The following CEP152 variants were observed in gnomAD, a reference collection of about 807,000 sequenced individuals.
CEP152 encodes centrosomal protein of 152 kDa.
A neutral mutation model predicts 188.9 loss-of-function variants in CEP152; 132 were observed. The ratio of observed to expected loss-of-function variants is 0.70; its 90% CI spans 0.61 to 0.81. CEP152 has a LOEUF of 0.81. CEP152 is among the 30% of genes least tolerant of loss of function. The pLI, the probability that CEP152 is intolerant of heterozygous loss-of-function variation, is 0.00. For missense variants in CEP152, 1,914 were observed against 1,969.8 expected (o/e 0.97, Z 0.54); for synonymous variants, 649 against 666.6 (o/e 0.97, Z 0.41).
chr15:48,793,717 A>G (rs997292437), intron 6 of CEP152, among the ~76,000 whole-genome samples: 1 of 152,236 alleles, frequency 6.6e-6, no homozygotes, highest in Non-Finnish European at 1.5e-5. Flanking sequence ...ACACCATATC[A>G]CAATGTAAAA....
In CEP152 at chr15:48,738,913, A is replaced by G. The variant is rs758255290; in HGVS notation, c.4469T>C (p.Leu1490Pro). The G allele has an allele frequency of 2.4e-5, 38 of 1,614,100 alleles. No individual in the cohort carries two copies. Among genetic ancestry groups the G allele is most frequent in the Non-Finnish European group, 3.1e-5 (37 of 1,180,018 alleles). Residue 1490 changes from leucine (L) to proline (P), a missense_variant, in exon 27 of 27, where the codon CTT becomes CCT. Coordinates refer to ENST00000380950, the MANE Select transcript of CEP152 (RefSeq NM_001194998.2). ...AAAGGGGTATGCAGCTGAATGCGGA[A>G]GTGATTCAGAACCATTATCACTGAG... is the stretch of plus-strand genomic sequence containing the variant. ...DLLSDNGSES[L>P]PHSAAYPFLG... is the part of the protein sequence containing the mutation.
At chr15:48,800,065 G>A (rs1326170239) in intron 2 of CEP152, among the ~76,000 whole-genome samples, 1 of 151,900 alleles carries the variant, frequency 6.6e-6, no homozygotes, top group Non-Finnish European at 1.5e-5. Context: ...TGTTTTCCCC[G>A]CACAAAAACA....
chr15:48,789,177 AC>A lies in CEP152; in HGVS notation c.973-177del. The A allele has an allele frequency of 1.2e-5, 8 of 643,150 alleles. 1 individual carries two copies. The South Asian group carries it at 1.5e-4, about 12-fold the overall frequency. The allele number at this position is 643,150 out of a possible 1,614,324, so 39.8% of individuals were successfully genotyped here. ...GCTCCTTAAAACAACCCTAGCTGGG[AC>A]CCTCCAGGCCCATAGTTGTTGGAAA... On this transcript the variant is annotated intron_variant, in intron 8 of 26. Coordinates refer to ENST00000380950, the MANE Select transcript of CEP152 (RefSeq NM_001194998.2).
At chr15:48,797,031 T>C (rs1467660465) in intron 5 of CEP152, among the ~76,000 whole-genome samples, 2 of 152,248 alleles carry the variant, frequency 1.3e-5, no homozygotes, top group Non-Finnish European at 2.9e-5. Context: ...AGGATAGTTA[T>C]TCTTTGGCAG....
chr15:48,763,156 T>C (rs1294904428), intron 17 of CEP152, among the ~76,000 whole-genome samples: 4 of 152,264 alleles, frequency 2.6e-5, no homozygotes, highest in Non-Finnish European at 5.9e-5. Flanking sequence ...TTTTACTAAG[T>C]AGACTACATT....
At chr15:48,783,698 T>C (rs763735905) in intron 10 of CEP152, among the ~76,000 whole-genome samples, 12 of 150,790 alleles carry the variant, frequency 8.0e-5, no homozygotes, top group Non-Finnish European at 1.5e-4. Context: ...TTTGGTACTT[T>C]ATACTGGTCT....
Position 48,782,140 on chromosome 15 carries a change from T to G in CEP152, c.1412A>C (p.Gln471Pro). 1 of 1,613,644 alleles carries G rather than the reference T, an allele frequency of 6.2e-7. No homozygotes were observed. Among genetic ancestry groups the G allele is most frequent in the Non-Finnish European group, 8.5e-7 (1 of 1,179,656 alleles). ...CCTCTTCCAAGTGGCAACACTCACTTGCAAAGCCTTGTTCATGTTTGCACT... is the reference window on the plus strand; with the variant it reads ...CCTCTTCCAAGTGGCAACACTCACTGGCAAAGCCTTGTTCATGTTTGCACT... ...AMSANMNKALQEELTELKDEI... is the reference protein window; with the variant it reads ...AMSANMNKALPEELTELKDEI... The change falls in exon 11 of 27, where the codon CAA (glutamine) becomes CCA (proline). Residue 471 changes from glutamine to proline, a missense_variant and splice_region_variant. Physicochemically the swap from Gln to Pro is moderately conservative, Grantham distance 76 (BLOSUM62 -1). Transcript: ENST00000380950.
chr15:48,788,624 C>T (rs1474061709), intron 9 of CEP152, among the ~76,000 whole-genome samples, 177 bp downstream of exon 9: 1 of 151,914 alleles, frequency 6.6e-6, no homozygotes, highest in African/African-American at 2.4e-5. Flanking sequence ...GGATTACAGG[C>T]GTGAGCCATT....
At chr15:48,796,301 C>T in intron 5 of CEP152, 141 bp from the exon 6 acceptor site, 7 of 670,018 alleles carry the variant, frequency 1.0e-5, no homozygotes, top group South Asian at 6.7e-5. Flanking sequence ...CACACACACA[C>T]ACACACACAC....
intron 9 of CEP152, among the ~76,000 whole-genome samples, chr15:48,787,172 T>TTTTTTTTG (rs1896709594): frequency 7.0e-6 from 1 of 142,424 alleles, no homozygotes; most frequent in Non-Finnish European, 1.5e-5. Flanking sequence ...CGTTTTTTTT[T>TTTTTTTTG]TTTTTTTTTT....
intron 2 of CEP152, among the ~76,000 whole-genome samples, chr15:48,803,674 TC>T (rs1231422139): frequency 6.6e-6 from 1 of 152,188 alleles, no homozygotes; most frequent in Non-Finnish European, 1.5e-5. Context: ...ATACAATCTA[TC>T]AAAGAGGTGA....
Position 48,738,790 on chromosome 15 carries a change from A to T in CEP152, c.4592T>A (p.Leu1531His). The change falls in exon 27 of 27, where the codon CTT becomes CAT. Residue 1531 changes from leucine to histidine, a missense_variant. Transcript: ENST00000380950. ...HITFRDSNER[L>H]GLKVYKCNPL... Reference sequence around the variant, plus strand: ...ATTGCATTTATATACTTTTAAACCAAGTCTTTCATTAGAATCGCGAAAGGT... The same window carrying T: ...ATTGCATTTATATACTTTTAAACCATGTCTTTCATTAGAATCGCGAAAGGT... The T allele has an allele frequency of 6.2e-7, 1 of 1,614,176 alleles. No homozygotes were observed. Among genetic ancestry groups the T allele is most frequent in the Admixed American group, 1.7e-5 (1 of 60,024 alleles).
At chr15:48,764,586 T>C (rs1404255452) in intron 17 of CEP152, among the ~76,000 whole-genome samples, 5 of 152,202 alleles carry the variant, frequency 3.3e-5, no homozygotes, top group African/African-American at 1.2e-4. Flanking sequence ...AATGGGAATG[T>C]TGACCATCTT....
At chr15:48,804,402 C>T (rs1189801851) in intron 2 of CEP152, among the ~76,000 whole-genome samples, 4 of 152,228 alleles carry the variant, frequency 2.6e-5, no homozygotes, top group Non-Finnish European at 5.9e-5. Flanking sequence ...GACCCTATTC[C>T]TTGCTTCCTG....
At chr15:48,784,729 C>T (rs924023498) in intron 9 of CEP152, among the ~76,000 whole-genome samples, 1 of 151,972 alleles carries the variant, frequency 6.6e-6, no homozygotes, top group African/African-American at 2.4e-5. Flanking sequence ...TTCTGCAGTG[C>T]CTTAGACATA....
Position 48,782,137 on chromosome 15 carries a change from A to G in CEP152, c.1413+2T>C. 1 of 1,613,426 alleles carries G rather than the reference A, an allele frequency of 6.2e-7. No homozygotes were observed. The highest frequency in any genetic ancestry group is 8.5e-7 in the Non-Finnish European group (1 of 1,179,518). On this transcript the variant is annotated splice_donor_variant, in intron 11 of 26. Coordinates refer to ENST00000380950, the MANE Select transcript of CEP152 (RefSeq NM_001194998.2). LOFTEE classifies it high-confidence loss of function. ...GAGCCTCTTCCAAGTGGCAACACTC[A>G]CTTGCAAAGCCTTGTTCATGTTTGC...
chr15:48,756,148 G>C lies in CEP152; in HGVS notation c.3100C>G (p.Arg1034Gly). Reference protein sequence around the residue: ...RREWTMQEAKRIQLEIYQYEE... With the variant: ...RREWTMQEAKGIQLEIYQYEE... ...TACTGATAGATTTCCAGTTGGATCC[G>C]CTTGGCTTCCTGCATAGTCCATTCT... Residue 1034 changes from arginine (R) to glycine (G), a missense_variant, in exon 20 of 27, where the codon CGG becomes GGG. Physicochemically the swap from Arg to Gly is moderately radical, Grantham distance 125. Coordinates refer to ENST00000380950, the MANE Select transcript of CEP152 (RefSeq NM_001194998.2). 1 of 1,614,034 alleles carries C rather than the reference G, an allele frequency of 6.2e-7. No homozygotes were observed. Among genetic ancestry groups the C allele is most frequent in the Non-Finnish European group, 8.5e-7 (1 of 1,179,974 alleles).
At chr15:48,785,919 A>G (rs1170990835) in intron 9 of CEP152, among the ~76,000 whole-genome samples, 11 of 88,890 alleles carry the variant, frequency 1.2e-4, no homozygotes, top group African/African-American at 2.1e-4. Context: ...AAAAAAAAAA[A>G]AGAGAGAGAG....
intron 12 of CEP152, among the ~76,000 whole-genome samples, chr15:48,780,590 T>G (rs74351320): frequency 1.4e-3 from 213 of 152,330 alleles, no homozygotes; most frequent in African/African-American, 5.1e-3. Flanking sequence ...AAATCTTTTC[T>G]TAACCTAAAT....
Sources: allele counts gnomAD v4.1 joint callset (sites outside exome capture counted in the v4.1 genomes callset), GRCh38; gene constraint gnomAD v4.1.1; transcripts MANE v1.5; gene names NCBI Gene and HGNC (gene_info 2026-07-23, HGNC 2026-07-21).